Variants in CDK18 observed in about 807,000 individuals in gnomAD.
CDK18 encodes cyclin dependent kinase 18, also known as cyclin-dependent kinase 18.
In CDK18, 52 loss-of-function variants were observed where a neutral mutation model predicts 62.0. That is an observed-to-expected ratio of 0.84 (90% CI 0.67 to 1.06). The LOEUF is 1.06. CDK18 is among the 50% of genes least tolerant of loss of function. CDK18 has a pLI of 0.00. For synonymous variants in CDK18, 237 were observed against 247.0 expected (o/e 0.96, Z 0.38); for missense variants, 604 against 619.9 (o/e 0.97, Z 0.27).
At chr1:205,512,693 T>A (rs1035220297) in intron 1 of CDK18, among the ~76,000 whole-genome samples, 1 of 152,166 alleles carries the variant, frequency 6.6e-6, no homozygotes, top group African/African-American at 2.4e-5. Flanking sequence ...AGCTGCTTTT[T>A]TTAAGCTAGT....
chr1:205,524,771 T>G (rs1668337063), intron 4 of CDK18, among the ~76,000 whole-genome samples: 1 of 152,192 alleles, frequency 6.6e-6, no homozygotes, highest in South Asian at 2.1e-4. Flanking sequence ...ACACCTGAGC[T>G]AGAAGTGCGC....
rs904464506 is a variant in CDK18, at chr1:205,527,789, C to T, written c.730-5C>T. 3 of 1,613,780 alleles carry T rather than the reference C, an allele frequency of 1.9e-6. No homozygotes were observed. The Admixed American group carries it at 5.0e-5, about 27-fold the overall frequency. Reference sequence around the variant, plus strand: ...CACCCCACATTTCTCTTCCCCCTCCCCCAGATTTTCATGTTCCAGCTGCTC... The same window carrying T: ...CACCCCACATTTCTCTTCCCCCTCCTCCAGATTTTCATGTTCCAGCTGCTC... On this transcript the variant is annotated splice_region_variant and splice_polypyrimidine_tract_variant and intron_variant, in intron 8 of 15. Transcript: ENST00000429964. This position sits in a 1 kb window ranked among gnomAD's most constrained non-coding sequence, Gnocchi z 4.1.
At chr1:205,505,631 G>C (rs1667269652) in intron 1 of CDK18, among the ~76,000 whole-genome samples, 1 of 152,292 alleles carries the variant, frequency 6.6e-6, no homozygotes, top group South Asian at 2.1e-4. Context: ...TCCAAAATCG[G>C]GTCTGGACTG....
rs757243805 is a variant in CDK18, at chr1:205,529,296, C to G, written c.1073-28C>G. The G allele has an allele frequency of 1.0e-5, 16 of 1,591,142 alleles. No individual in the cohort carries two copies. The African/African-American group carries it at 1.7e-4, about 17-fold the overall frequency. ...GCCTTGGCCCTGGGCCTCACGCAGGCCCTCCCCACCCTCTCTCGTCTCCCC... is the reference window on the plus strand; with the variant it reads ...GCCTTGGCCCTGGGCCTCACGCAGGGCCTCCCCACCCTCTCTCGTCTCCCC... On this transcript the variant is annotated intron_variant, in intron 11 of 15. Coordinates refer to ENST00000429964, the MANE Select transcript of CDK18 (RefSeq NM_212502.3).
rs1668255453 is a variant in CDK18, at chr1:205,523,547, C to T, written c.195C>T (p.Asp65=). The change falls in exon 3 of 16, where the codon GAC becomes GAT. Residue 65 remains aspartate (D), a synonymous_variant. Transcript: ENST00000429964. ...AGTGCAGCACCTTCTCCCCAACAGA[C>T]AGCGGGGAGGAGCCGGGGCAGCTCT... ...PQECSTFSPT[D]SGEEPGQLSP... is the part of the protein sequence containing the mutation. 6.2e-7 allele frequency: 1 copy of T among 1,605,766 alleles called. No homozygotes were observed. Among genetic ancestry groups the T allele is most frequent in the Non-Finnish European group, 8.5e-7 (1 of 1,176,744 alleles).
At chr1:205,529,137 C>A in intron 11 of CDK18, 41 bp downstream of exon 11, 1 of 1,498,848 alleles carries the variant, frequency 6.7e-7, no homozygotes, top group Non-Finnish European at 9.1e-7. Flanking sequence ...CACCAGGGGG[C>A]GCCGGAACTC....
At position 205,527,391 on chromosome 1, in the gene CDK18, G is replaced by A; in HGVS notation, c.730-403G>A. 4.7e-6 allele frequency: 1 copy of A among 212,930 alleles called. No individual in the cohort carries two copies. The highest frequency in any genetic ancestry group is 8.2e-5 in the South Asian group (1 of 12,210). The allele number at this position is 212,930 out of a possible 1,614,324, so 13.2% of individuals were successfully genotyped here. The stretch of plus-strand genomic sequence containing the variant: ...CTGCTTGAGAGGCTGAGGCAGGAGG[G>A]CCACTTGAGCCCGGGAGGTTGAGGC... On this transcript the variant is annotated intron_variant, in intron 8 of 15. Coordinates refer to ENST00000429964, the MANE Select transcript of CDK18 (RefSeq NM_212502.3). This position sits in a 1 kb window ranked among gnomAD's most constrained non-coding sequence, Gnocchi z 4.1.
Position 205,527,656 on chromosome 1 carries a change from G to C in CDK18, c.730-138G>C. Reference sequence around the variant, plus strand: ...CCCTGGTGTGGGTGGGGTCCAGGATGGGGGCTGCAGGGTGTGCAGGAGAAT... The same window carrying C: ...CCCTGGTGTGGGTGGGGTCCAGGATCGGGGCTGCAGGGTGTGCAGGAGAAT... On this transcript the variant is annotated intron_variant, in intron 8 of 15. Transcript: ENST00000429964. This position sits in a 1 kb window ranked among gnomAD's most constrained non-coding sequence, Gnocchi z 4.1. The C allele has an allele frequency of 1.3e-6, 1 of 797,160 alleles. No homozygotes were observed. The highest frequency in any genetic ancestry group is 2.1e-6 in the Non-Finnish European group (1 of 480,780). 49.4% of individuals were successfully genotyped at this position (797,160 alleles called of 1,614,324 possible).
chr1:205,526,461 G>A lies in CDK18; in HGVS notation c.666G>A (p.Leu222=). 1 of 1,611,634 alleles carries A rather than the reference G, an allele frequency of 6.2e-7. No homozygotes were observed. The highest frequency in any genetic ancestry group is 8.5e-7 in the Non-Finnish European group (1 of 1,177,858). Residue 222 remains leucine, a splice_region_variant and synonymous_variant, in exon 7 of 16, where the codon CTG becomes CTA. Coordinates refer to ENST00000429964, the MANE Select transcript of CDK18 (RefSeq NM_212502.3). ...DRSLTLVFEY[L]DSDLKQYLDH... is the part of the protein sequence containing the mutation. Reference sequence around the variant, plus strand: ...CCCTCACCCTGGTGTTTGAGTACCTGGTGAGAGTCCGGCTGGGGCTGGCCG... The same window carrying A: ...CCCTCACCCTGGTGTTTGAGTACCTAGTGAGAGTCCGGCTGGGGCTGGCCG...
rs77517454 is a variant in CDK18 at position 205,527,060 on chromosome 1, A to T, written c.729+223A>T. ...TGTCTGCCACTGTCTAGCTGTTGGT[A>T]TAAAACCCACTCTCAACTCTGAACA... is the stretch of plus-strand genomic sequence containing the variant. On this transcript the variant is annotated intron_variant, in intron 8 of 15. Coordinates refer to ENST00000429964, the MANE Select transcript of CDK18 (RefSeq NM_212502.3). The surrounding 1 kb of genome is among the most constrained non-coding windows in gnomAD (Gnocchi z 4.1). 1 of 555,604 alleles carries T rather than the reference A, an allele frequency of 1.8e-6. No individual in the cohort carries two copies. The allele number at this position is 555,604 out of a possible 1,614,324, so 34.4% of individuals were successfully genotyped here.
chr1:205,507,024 A>T lies in CDK18; in HGVS notation c.-22+2228A>T, dbSNP rs539898755. On this transcript the variant is annotated intron_variant, in intron 1 of 15. Transcript: ENST00000429964. Reference sequence around the variant, plus strand: ...CCTCTGCCTACTTGGGCCGTCCCGCACTCGGGAATGCGTCCTACACTGTAG... The same window carrying T: ...CCTCTGCCTACTTGGGCCGTCCCGCTCTCGGGAATGCGTCCTACACTGTAG... Among the ~76,000 whole-genome samples the T allele has an allele frequency of 7.9e-5, 12 of 152,168 alleles. No homozygotes were observed. In the South Asian group the frequency reaches 2.5e-3, roughly 32 times the overall value.
At position 205,527,067 on chromosome 1, in the gene CDK18, C is replaced by T. The variant is rs779447272; in HGVS notation, c.729+230C>T. ...CACTGTCTAGCTGTTGGTATAAAAC[C>T]CACTCTCAACTCTGAACATCAGTTT... is the stretch of plus-strand genomic sequence containing the variant. On this transcript the variant is annotated intron_variant, in intron 8 of 15. Transcript: ENST00000429964. The surrounding 1 kb of genome is among the most constrained non-coding windows in gnomAD (Gnocchi z 4.1). 3.7e-6 allele frequency: 2 copies of T among 541,404 alleles called. No homozygotes were observed. Among genetic ancestry groups the T allele is most frequent in the Admixed American group, 3.2e-5 (1 of 31,348 alleles). The allele number at this position is 541,404 out of a possible 1,614,324, so 33.5% of individuals were successfully genotyped here.
intron 14 of CDK18, 94 bp from the exon 15 acceptor site, chr1:205,530,534 C>A (rs1357698320): frequency 1.6e-6 from 2 of 1,272,354 alleles, no homozygotes; most frequent in Non-Finnish European, 2.3e-6. Context: ...AAATGAGACG[C>A]TGCCTCGAGG....
At chr1:205,511,084 G>A (rs1667545201) in intron 1 of CDK18, among the ~76,000 whole-genome samples, 1 of 152,350 alleles carries the variant, frequency 6.6e-6, no homozygotes, top group Non-Finnish European at 1.5e-5. Context: ...GATGCTCAAG[G>A]CTAGGGGTTG....
intron 1 of CDK18, among the ~76,000 whole-genome samples, chr1:205,508,749 G>C (rs1276801500): frequency 6.6e-6 from 1 of 150,816 alleles, no homozygotes; most frequent in African/African-American, 2.4e-5. Flanking sequence ...GAGGCTGAGA[G>C]GGGAGGATCG....
intron 1 of CDK18, among the ~76,000 whole-genome samples, chr1:205,515,249 T>C (rs1333840692): frequency 6.9e-6 from 1 of 144,974 alleles, no homozygotes; most frequent in Non-Finnish European, 1.5e-5. Flanking sequence ...CCATTTCGGC[T>C]CACCGCAAAC....
At chr1:205,513,136 G>T (rs1254955714) in intron 1 of CDK18, among the ~76,000 whole-genome samples, 1 of 152,246 alleles carries the variant, frequency 6.6e-6, no homozygotes, top group African/African-American at 2.4e-5. Context: ...GGTATTTAAG[G>T]AAGACCTAAG....
chr1:205,527,032 C>T lies in CDK18; in HGVS notation c.729+195C>T, dbSNP rs1378534338. The stretch of plus-strand genomic sequence containing the variant: ...GCGCTTTACCCCAAGAACAGACACA[C>T]ACTGTCTGCCACTGTCTAGCTGTTG... On this transcript the variant is annotated intron_variant, in intron 8 of 15. Coordinates refer to ENST00000429964, the MANE Select transcript of CDK18 (RefSeq NM_212502.3). This position sits in a 1 kb window ranked among gnomAD's most constrained non-coding sequence, Gnocchi z 4.1. 2.7e-5 allele frequency: 16 copies of T among 590,032 alleles called. No individual in the cohort carries two copies. Among genetic ancestry groups the T allele is most frequent in the Middle Eastern group, 4.4e-4 (1 of 2,254 alleles). The allele number at this position is 590,032 out of a possible 1,614,324, so 36.5% of individuals were successfully genotyped here. A position where few individuals can be genotyped will look rare whatever the true frequency, so the allele number is the denominator to read the frequency against.
chr1:205,530,098 T>A (rs1668661446), intron 13 of CDK18, 161 bp from the exon 14 acceptor site: 1 of 1,445,102 alleles, frequency 6.9e-7, no homozygotes, highest in Non-Finnish European at 9.1e-7. Flanking sequence ...TGAGATGGCC[T>A]GAGGTTGGGT....
Sources: allele counts gnomAD v4.1 joint callset (sites outside exome capture counted in the v4.1 genomes callset), GRCh38; gene constraint gnomAD v4.1.1; non-coding constraint Gnocchi (gnomAD v3.1); transcripts MANE v1.5; gene names NCBI Gene and HGNC (gene_info 2026-07-23, HGNC 2026-07-21).